Variants in MCU observed in about 807,000 individuals in gnomAD.
The protein encoded by MCU is calcium uniporter protein, mitochondrial.
A neutral mutation model predicts 45.2 loss-of-function variants in MCU; 12 were observed. That is an observed-to-expected ratio of 0.27 (90% confidence interval 0.17 to 0.43). The LOEUF (loss-of-function observed/expected upper bound fraction) is 0.43. Ranked by LOEUF, MCU falls within the 20% of genes least tolerant of loss-of-function variation. The pLI is 1.00. For synonymous variants in MCU, 160 were observed against 165.1 expected, an observed-to-expected ratio of 0.97 and a Z score of 0.24; for missense variants, 324 against 436.7, an observed-to-expected ratio of 0.74 and a Z score of 2.30.
intron 1 of MCU, among the ~76,000 whole-genome samples, chr10:72,704,681 G>A (rs1170851937): frequency 6.6e-6 from 1 of 150,476 alleles, no homozygotes; most frequent in Non-Finnish European, 1.5e-5. Context: ...GGGACTACAG[G>A]CATGCACTGT....
At chr10:72,725,775 T>C (rs1843090364) in intron 1 of MCU, among the ~76,000 whole-genome samples, 1 of 152,014 alleles carries the variant, frequency 6.6e-6, no homozygotes, top group African/African-American at 2.4e-5. Context: ...TCTCAGCTAC[T>C]TGGGAGATTG....
At chr10:72,839,567 T>C (rs1431482797) in intron 2 of MCU, among the ~76,000 whole-genome samples, 1 of 152,134 alleles carries the variant, frequency 6.6e-6, no homozygotes, top group Non-Finnish European at 1.5e-5. Context: ...TTTTTATTGC[T>C]GGGTAGTATT....
chr10:72,880,993 G>A (rs1050502960), intron 6 of MCU, among the ~76,000 whole-genome samples: 5 of 152,162 alleles, frequency 3.3e-5, no homozygotes, highest in Non-Finnish European at 7.3e-5. Flanking sequence ...GTTGAGTGTG[G>A]TGTCGTGCAC....
At chr10:72,789,508 CTTG>C (rs763556120) in intron 1 of MCU, among the ~76,000 whole-genome samples, 31 of 152,126 alleles carry the variant, frequency 2.0e-4, no homozygotes, top group Non-Finnish European at 1.2e-4. Flanking sequence ...GTCTAATCAT[CTTG>C]TTTTCAACTC....
chr10:72,764,397 T>TA (rs1843697332), intron 1 of MCU, among the ~76,000 whole-genome samples: 1 of 152,248 alleles, frequency 6.6e-6, no homozygotes, highest in African/African-American at 2.4e-5. Context: ...GACCTGGTAT[T>TA]AAAAAAACCT....
chr10:72,711,165 G>A (rs1348431926), intron 1 of MCU, among the ~76,000 whole-genome samples: 3 of 146,878 alleles, frequency 2.0e-5, no homozygotes, highest in East Asian at 2.0e-4. Context: ...CAACAAGAGC[G>A]AAACTCTGTC....
chr10:72,768,259 C>T (rs1241698449), intron 1 of MCU, among the ~76,000 whole-genome samples: 1 of 152,080 alleles, frequency 6.6e-6, no homozygotes, highest in Non-Finnish European at 1.5e-5. Flanking sequence ...ACTATGAAGT[C>T]ATTTTGGTAT....
Position 72,868,704 on chromosome 10 carries a change from C to T in MCU, c.498C>T (p.Asp166=), listed in dbSNP as rs1845495430. ...TAAAAAATGTAACTTTTGTTTCAGACCTCTTAAGTCATGAAAATGCAGCAA... is the reference window on the plus strand; with the variant it reads ...TAAAAAATGTAACTTTTGTTTCAGATCTCTTAAGTCATGAAAATGCAGCAA... The part of the protein sequence containing the change: ...LTYHVRPPKR[D]LLSHENAATL... The change falls in exon 5 of 8, where the codon GAC becomes GAT. Residue 166 remains aspartate (D), a splice_region_variant and synonymous_variant. Transcript: ENST00000373053. The T allele has an allele frequency of 6.2e-7, 1 of 1,612,564 alleles. No homozygotes were observed. The highest frequency in any genetic ancestry group is 8.5e-7 in the Non-Finnish European group (1 of 1,179,550).
chr10:72,832,470 A>G (rs1844892054), intron 1 of MCU, among the ~76,000 whole-genome samples: 1 of 152,206 alleles, frequency 6.6e-6, no homozygotes, highest in Non-Finnish European at 1.5e-5. Context: ...TTGTGTTCCT[A>G]ATATTGGACA....
At chr10:72,816,489 C>CA (rs779470001) in intron 1 of MCU, among the ~76,000 whole-genome samples, 127 of 152,312 alleles carry the variant, frequency 8.3e-4, no homozygotes, top group Non-Finnish European at 1.6e-3. Flanking sequence ...GTGATTAAGA[C>CA]TAAGACATCA....
At chr10:72,792,707 C>G (rs1844181961) in intron 1 of MCU, among the ~76,000 whole-genome samples, 1 of 144,118 alleles carries the variant, frequency 6.9e-6, no homozygotes, top group East Asian at 2.2e-4. Flanking sequence ...CCCCTCCCCC[C>G]CACCCCCACC....
At chr10:72,848,488 GTAAC>G (rs551304315) in intron 2 of MCU, among the ~76,000 whole-genome samples, 15 of 152,148 alleles carry the variant, frequency 9.9e-5, no homozygotes, top group Admixed American at 2.6e-4. Context: ...CACTCCCCCA[GTAAC>G]TAACCCACTC....
rs182796896 is a variant in MCU at position 72,837,750 on chromosome 10, A to G, written c.220+3322A>G. Among the ~76,000 whole-genome samples, 390 of 152,090 alleles carry G rather than the reference A, an allele frequency of 2.6e-3. 1 individual carries two copies. Among genetic ancestry groups the G allele is most frequent in the Admixed American group, 8.0e-3 (122 of 15,258 alleles). On this transcript the variant is annotated intron_variant, in intron 2 of 7. Coordinates refer to ENST00000373053, the MANE Select transcript of MCU (RefSeq NM_138357.3). ...TTAAAGCCTCCAGGGGTTTCCCTTC[A>G]TGTTAGTGGAAGTTAAGGATGTGGA...
intron 1 of MCU, among the ~76,000 whole-genome samples, chr10:72,834,087 C>G (rs1477616268): frequency 1.3e-5 from 2 of 152,112 alleles, no homozygotes; most frequent in East Asian, 3.8e-4. Flanking sequence ...TTGTATAATT[C>G]TAATTTTGTT....
At chr10:72,804,017 AATATATATATATATAT>A (rs35518652) in intron 1 of MCU, among the ~76,000 whole-genome samples, 860 of 34,848 alleles carry the variant, frequency 0.025, 26 homozygotes, top group Non-Finnish European at 0.047. Flanking sequence ...AATGTAAGTA[AATATATATATATATAT>A]ATATATATAT....
chr10:72,752,512 CT>C (rs1843517157), intron 1 of MCU, among the ~76,000 whole-genome samples: 1 of 152,122 alleles, frequency 6.6e-6, no homozygotes, highest in African/African-American at 2.4e-5. Context: ...TTTCTTAGTA[CT>C]GTATTGATAA....
chr10:72,776,588 A>G (rs1295577866), intron 1 of MCU, among the ~76,000 whole-genome samples: 7 of 152,248 alleles, frequency 4.6e-5, no homozygotes, highest in East Asian at 3.8e-4. Context: ...AAGGCCATAA[A>G]TGACAAACTC....
intron 1 of MCU, among the ~76,000 whole-genome samples, chr10:72,801,795 C>A (rs1368129125): frequency 6.6e-6 from 1 of 151,486 alleles, no homozygotes; most frequent in Non-Finnish European, 1.5e-5. Flanking sequence ...CCTCAGCCTC[C>A]CGGGTAACTG....
At chr10:72,872,054 G>GTGT (rs532685069) in intron 6 of MCU, among the ~76,000 whole-genome samples, 7 of 152,166 alleles carry the variant, frequency 4.6e-5, no homozygotes, top group Admixed American at 1.3e-4. Context: ...GAAAGGAAAG[G>GTGT]TGTTGTTGTT....
Sources: gnomAD v4.1 joint callset for allele counts (sites outside exome capture counted in the v4.1 genomes callset) on GRCh38, gnomAD v4.1.1 for gene constraint, MANE v1.5 for transcripts, NCBI Gene and HGNC (gene_info 2026-07-23, HGNC 2026-07-21) for gene names.